Variants in ARHGAP10 observed in about 807,000 individuals in gnomAD.
ARHGAP10 encodes rho GTPase-activating protein 10.
Under a neutral mutation model 108.6 loss-of-function variants are expected in ARHGAP10, and 87 were observed. That is an observed-to-expected ratio of 0.80 (90% CI 0.67 to 0.96). ARHGAP10 has a LOEUF of 0.96. Ranked by LOEUF, ARHGAP10 falls within the 40% of genes least tolerant of loss-of-function variation. ARHGAP10 has a pLI of 0.00. For synonymous variants in ARHGAP10, 347 were observed against 341.1 expected (o/e 1.02, Z -0.19); for missense variants, 939 against 954.5 (o/e 0.98, Z 0.21).
chr4:147,977,182 A>C (rs1739627797), intron 18 of ARHGAP10, among the ~76,000 whole-genome samples: 1 of 152,242 alleles, frequency 6.6e-6, no homozygotes, highest in Non-Finnish European at 1.5e-5. Context: ...ATGATGATGA[A>C]GAATATCACC....
chr4:147,873,117 TG>T (rs1183512979), intron 7 of ARHGAP10, among the ~76,000 whole-genome samples: 1 of 152,216 alleles, frequency 6.6e-6, no homozygotes, highest in Non-Finnish European at 1.5e-5. Flanking sequence ...GCCCAGATCT[TG>T]GTTTCCAAAT....
intron 1 of ARHGAP10, among the ~76,000 whole-genome samples, chr4:147,806,094 A>G (rs185710541): frequency 2.6e-5 from 4 of 152,256 alleles, no homozygotes; most frequent in Admixed American, 2.6e-4. Flanking sequence ...CACAAGAACT[A>G]CCATGCACAC....
At chr4:147,834,971 T>C (rs977082226) in intron 3 of ARHGAP10, among the ~76,000 whole-genome samples, 14 of 152,168 alleles carry the variant, frequency 9.2e-5, no homozygotes, top group Admixed American at 8.5e-4. Flanking sequence ...ATGAACCATT[T>C]GGAGTAAAAG....
At chr4:147,879,376 G>T (rs372989586) in intron 9 of ARHGAP10, 38 bp downstream of exon 9, 42 of 1,554,608 alleles carry the variant, frequency 2.7e-5, no homozygotes, top group Non-Finnish European at 3.3e-5. Context: ...ATTATAATCT[G>T]TCAGAGGTAG....
At chr4:147,865,179 A>C in intron 6 of ARHGAP10, 1 of 405,738 alleles carries the variant, frequency 2.5e-6, no homozygotes, top group East Asian at 4.8e-5. Context: ...TAATATTCCC[A>C]TTGCTACATG....
rs1728235267 is a variant in ARHGAP10 at position 147,732,156 on chromosome 4, A to G, written c.-146A>G. On this transcript the variant is annotated 5_prime_UTR_variant, in exon 1 of 23. The change abolishes an upstream ATG in the 5' untranslated region. Transcript: ENST00000336498. ...GCCGCAGGACTCGGCTCTACGGGAC[A>G]TGTCCGTGCCGCGCTCGCCGCGCGC... 1.5e-6 allele frequency: 1 copy of G among 662,998 alleles called. No individual in the cohort carries two copies. Among genetic ancestry groups the G allele is most frequent in the Non-Finnish European group, 2.2e-6 (1 of 455,766 alleles). The allele number at this position is 662,998 out of a possible 1,614,324, so 41.1% of individuals were successfully genotyped here.
chr4:147,739,186 CAAAAAAAAAA>C (rs59965552), intron 1 of ARHGAP10, among the ~76,000 whole-genome samples: 1 of 69,960 alleles, frequency 1.4e-5, no homozygotes, highest in African/African-American at 4.4e-5. Flanking sequence ...GACTCTGTCT[CAAAAAAAAAA>C]AAAAAAAGAA....
chr4:147,799,034 T>C (rs1731469603), intron 1 of ARHGAP10, among the ~76,000 whole-genome samples: 1 of 151,494 alleles, frequency 6.6e-6, no homozygotes, highest in African/African-American at 2.4e-5. Context: ...TTTCTTTTTG[T>C]CCTTTTTTTT....
At chr4:147,802,139 G>C (rs556508610) in intron 1 of ARHGAP10, among the ~76,000 whole-genome samples, 1 of 152,288 alleles carries the variant, frequency 6.6e-6, no homozygotes, top group South Asian at 2.1e-4. Context: ...TTTCCATATG[G>C]ACTTATTCCT....
At chr4:147,744,476 G>A (rs995003236) in intron 1 of ARHGAP10, among the ~76,000 whole-genome samples, 6 of 152,112 alleles carry the variant, frequency 3.9e-5, no homozygotes, top group Admixed American at 2.6e-4. Context: ...GTGTAGGGGA[G>A]TGGTGTGAGT....
At chr4:147,904,693 C>T (rs543442270) in intron 10 of ARHGAP10, among the ~76,000 whole-genome samples, 7 of 152,242 alleles carry the variant, frequency 4.6e-5, no homozygotes, top group East Asian at 1.9e-4. Flanking sequence ...AATAAACATA[C>T]GTGTGCATGT....
intron 16 of ARHGAP10, 121 bp from the exon 17 acceptor site, chr4:147,964,903 T>A (rs1232272417): frequency 1.6e-6 from 1 of 615,304 alleles, no homozygotes; most frequent in Non-Finnish European, 2.5e-6. Flanking sequence ...CCATGTTTGA[T>A]AATCTTGAAC....
intron 4 of ARHGAP10, among the ~76,000 whole-genome samples, chr4:147,847,977 T>G (rs1257302181): frequency 6.6e-6 from 1 of 152,250 alleles, no homozygotes; most frequent in Non-Finnish European, 1.5e-5. Flanking sequence ...AACATTTGCA[T>G]GCTGTTGACC....
chr4:147,869,198 C>A (rs1734698382), intron 7 of ARHGAP10, among the ~76,000 whole-genome samples: 1 of 152,072 alleles, frequency 6.6e-6, no homozygotes, highest in Non-Finnish European at 1.5e-5. Flanking sequence ...GAGCGCAGGG[C>A]CCTGTGGACT....
At chr4:147,997,393 G>A (rs1421678115) in intron 18 of ARHGAP10, among the ~76,000 whole-genome samples, 1 of 152,158 alleles carries the variant, frequency 6.6e-6, no homozygotes, top group Non-Finnish European at 1.5e-5. Context: ...GACTAAATAT[G>A]ATTCTTTAAG....
At chr4:147,768,450 T>C (rs1454418390) in intron 1 of ARHGAP10, among the ~76,000 whole-genome samples, 1 of 152,144 alleles carries the variant, frequency 6.6e-6, no homozygotes, top group Non-Finnish European at 1.5e-5. Flanking sequence ...AAAGATTTGT[T>C]AGTAACGTAA....
chr4:147,911,965 T>C (rs1736755916), intron 12 of ARHGAP10, among the ~76,000 whole-genome samples: 1 of 150,024 alleles, frequency 6.7e-6, no homozygotes, highest in African/African-American at 2.5e-5. Flanking sequence ...ATTGTGTTCT[T>C]AGATTCTCAA....
rs1741129084 is a variant in ARHGAP10 at position 148,010,507 on chromosome 4, A to G, written c.1717-12756A>G. On this transcript the variant is annotated intron_variant, in intron 18 of 22. Transcript: ENST00000336498. ...TTAGACCCACAGAAAGGTTGCAAGAATGTTTACAATAAACATTGTATACCC... is the reference window on the plus strand; with the variant it reads ...TTAGACCCACAGAAAGGTTGCAAGAGTGTTTACAATAAACATTGTATACCC... 2.0e-5 allele frequency among the ~76,000 whole-genome samples: 3 copies of G among 152,276 alleles called. No individual in the cohort carries two copies. In the South Asian group the frequency reaches 6.2e-4, roughly 32 times the overall value.
At chr4:147,942,613 CTTA>C (rs1738201848) in intron 14 of ARHGAP10, among the ~76,000 whole-genome samples, 4 of 152,164 alleles carry the variant, frequency 2.6e-5, no homozygotes, top group Middle Eastern at 6.8e-3. Flanking sequence ...TTGTTCCCTC[CTTA>C]TCCTCTTTAT....
Sources: gnomAD v4.1 joint callset for allele counts (sites outside exome capture counted in the v4.1 genomes callset) on GRCh38, gnomAD v4.1.1 for gene constraint, MANE v1.5 for transcripts, NCBI Gene and HGNC (gene_info 2026-07-23, HGNC 2026-07-21) for gene names.